Variants in ATRX observed in about 807,000 individuals in gnomAD.
The protein encoded by ATRX is ATRX chromatin remodeler, also known as chromatin remodeler ATRX.
In ATRX, 12 loss-of-function variants were observed where a neutral mutation model predicts 172.6. That is an observed-to-expected ratio of 0.07 (90% CI 0.04 to 0.11). ATRX has a LOEUF of 0.11. Among genes scored for constraint, ATRX ranks in the 10% least tolerant of loss-of-function variants. The probability of loss-of-function intolerance (pLI) is 1.00; values close to 1 mark genes in which losing one functional copy is unlikely to be tolerated. For missense variants in ATRX, 1,368 were observed against 1,767.4 expected (o/e 0.77, Z 4.05); for synonymous variants, 674 against 594.7 (o/e 1.13, Z -1.94).
At chrX:77,780,838 G>A (rs1557205210) in intron 1 of ATRX, among the ~76,000 whole-genome samples, 1 of 110,183 alleles carries the variant, frequency 9.1e-6, no homozygotes, top group African/African-American at 3.3e-5. Context: ...CTACATGGGA[G>A]GCTGAAGCAG....
At chrX:77,749,317 G>A (rs1375469825) in intron 1 of ATRX, among the ~76,000 whole-genome samples, 1 of 110,758 alleles carries the variant, frequency 9.0e-6, no homozygotes, top group African/African-American at 3.3e-5. Context: ...TTATTCCACA[G>A]TGTGTATGTA....
At chrX:77,723,531 CTT>C (rs1337429631) in intron 1 of ATRX, among the ~76,000 whole-genome samples, 1 of 111,352 alleles carries the variant, frequency 9.0e-6, no homozygotes, top group Non-Finnish European at 1.9e-5. Flanking sequence ...TTGAAACAAA[CTT>C]TGCCTCTAGA....
chrX:77,695,817 GT>G (rs1488202890), intron 5 of ATRX, among the ~76,000 whole-genome samples: 1 of 111,275 alleles, frequency 9.0e-6, no homozygotes, highest in East Asian at 2.8e-4. Flanking sequence ...AGGGAACAAG[GT>G]TTAATAAGCA....
rs1407360424 is a variant in ATRX, at chrX:77,669,917, T to TA, written c.3810-5140dup. On this transcript the variant is annotated intron_variant, in intron 10 of 34. Transcript: ENST00000373344. ...ATCACTACGTTGCCCAGGCTGGTCT[T>TA]AAACTCCTGGCCTCAAGTGATCCTC... Among the ~76,000 whole-genome samples, 4 of 109,154 alleles carry TA rather than the reference T, an allele frequency of 3.7e-5. No individual in the cohort carries two copies. In the Admixed American group the frequency reaches 3.9e-4, roughly 11 times the overall value. The allele number at this position is 109,154 out of a possible 115,157, so 94.8% of individuals were successfully genotyped here.
At chrX:77,726,272 A>C (rs1261931459) in intron 1 of ATRX, among the ~76,000 whole-genome samples, 1 of 110,735 alleles carries the variant, frequency 9.0e-6, no homozygotes, top group Non-Finnish European at 1.9e-5. Flanking sequence ...GCACATACAC[A>C]CCATGGAATA....
At chrX:77,752,909 GA>G (rs1250373981) in intron 1 of ATRX, among the ~76,000 whole-genome samples, 1 of 111,741 alleles carries the variant, frequency 8.9e-6, no homozygotes, top group Non-Finnish European at 1.9e-5. Flanking sequence ...GGTCATCAGG[GA>G]TATTGGCCTG....
chrX:77,593,911 G>A (rs1396478578), intron 25 of ATRX, 62 bp from the exon 26 acceptor site: 2 of 1,104,159 alleles, frequency 1.8e-6, no homozygotes, highest in Non-Finnish European at 2.5e-6. Context: ...GAGAGCAAGA[G>A]AGACAGAAAA....
At chrX:77,533,881 A>G (rs782219211) in intron 30 of ATRX, among the ~76,000 whole-genome samples, 30 of 112,275 alleles carry the variant, frequency 2.7e-4, no homozygotes, top group African/African-American at 9.0e-4. Flanking sequence ...CCAAACCTTC[A>G]TCATTTCTAA....
chrX:77,618,222 G>A (rs1263839951), intron 21 of ATRX, among the ~76,000 whole-genome samples: 1 of 111,925 alleles, frequency 8.9e-6, no homozygotes, highest in Non-Finnish European at 1.9e-5. Context: ...CATCTACAGA[G>A]AAAGTGCGTA....
At position 77,569,141 on chromosome X, in the gene ATRX, C is replaced by T. The variant is rs782660052; in HGVS notation, c.6326+5109G>A. Among the ~76,000 whole-genome samples the T allele has an allele frequency of 3.6e-5, 4 of 110,216 alleles. No homozygotes were observed. In the South Asian group the frequency reaches 1.6e-3, roughly 43 times the overall value. ...AACAAAAACAAACAAAAACAACCCC[C>T]CCACCCAAAAAAACAACCTTACAGC... On this transcript the variant is annotated intron_variant, in intron 28 of 34. Transcript: ENST00000373344.
At chrX:77,628,329 A>C (rs2148314659) in intron 19 of ATRX, among the ~76,000 whole-genome samples, 1 of 113,074 alleles carries the variant, frequency 8.8e-6, no homozygotes, top group Admixed American at 9.3e-5. Flanking sequence ...AATGTGAATT[A>C]GAAAACTCCA....
In ATRX at chrX:77,539,746, C is replaced by A. The variant is rs1239653161; in HGVS notation, c.6700-16345G>T. On this transcript the variant is annotated intron_variant, in intron 30 of 34. Coordinates refer to ENST00000373344, the MANE Select transcript of ATRX (RefSeq NM_000489.6). ...TTATAAGCGAAGGAGAAATAAATTC[C>A]TTTACAGACAAGCAAATGCTGAGAG... Among the ~76,000 whole-genome samples the A allele has an allele frequency of 3.6e-5, 4 of 111,731 alleles. No individual in the cohort carries two copies. In the East Asian group the frequency reaches 8.4e-4, roughly 23 times the overall value.
intron 25 of ATRX, among the ~76,000 whole-genome samples, chrX:77,597,610 GTAACTCCATTA>G (rs1396768920): frequency 2.7e-5 from 3 of 110,841 alleles, no homozygotes; most frequent in Non-Finnish European, 5.7e-5. Flanking sequence ...AAAAAAACAA[GTAACTCCATTA>G]AAAAGTGGGC....
chrX:77,614,568 T>C (rs1455610819), intron 22 of ATRX, among the ~76,000 whole-genome samples: 1 of 111,261 alleles, frequency 9.0e-6, no homozygotes, highest in Non-Finnish European at 1.9e-5. Flanking sequence ...TCAAAAAGAG[T>C]GTTTTTTTAA....
At chrX:77,722,272 G>T (rs1431301998) in intron 1 of ATRX, among the ~76,000 whole-genome samples, 2 of 110,671 alleles carry the variant, frequency 1.8e-5, no homozygotes, top group African/African-American at 6.6e-5. Context: ...CATGGGCAAA[G>T]ACTTCATGAC....
Position 77,696,697 on chromosome X carries a change from A to C in ATRX, c.250T>G (p.Ser84Ala), listed in dbSNP as rs1569540556. ...SGSSRSKRKP[S>A]IVTKYVESDD... ...GATTCTACATACTTTGTTACAATTG[A>C]AGGTTTCCTATGAAAGAATTAAGTT... is the stretch of plus-strand genomic sequence containing the variant. Residue 84 changes from serine (S) to alanine (A), a missense_variant, in exon 5 of 35, where the codon TCA (serine) becomes GCA (alanine). Ser to Ala is a moderately conservative substitution (Grantham distance 99). This residue lies in a region of ATRX where 84 missense variants were observed against 82.8 expected (regional missense o/e 1.01). Transcript: ENST00000373344. 1 of 1,195,785 alleles carries C rather than the reference A, an allele frequency of 8.4e-7. No homozygotes were observed. Among genetic ancestry groups the C allele is most frequent in the Non-Finnish European group, 1.1e-6 (1 of 882,061 alleles).
At chrX:77,733,706 T>TTAA (rs1442340712) in intron 1 of ATRX, among the ~76,000 whole-genome samples, 1 of 33,039 alleles carries the variant, frequency 3.0e-5, no homozygotes, top group Admixed American at 5.3e-4. Flanking sequence ...CCATCTATGC[T>TTAA]AAAAAAAAAA....
At chrX:77,781,476 A>G (rs900407431) in intron 1 of ATRX, among the ~76,000 whole-genome samples, 2 of 107,074 alleles carry the variant, frequency 1.9e-5, no homozygotes, top group Non-Finnish European at 1.9e-5. Flanking sequence ...CTAGGACCCC[A>G]GAGCTTTAGT....
rs782609523 is a variant in ATRX at position 77,545,033 on chromosome X, A to G, written c.6699+12418T>C. Among the ~76,000 whole-genome samples the G allele has an allele frequency of 4.5e-5, 5 of 112,172 alleles. No homozygotes were observed. The East Asian group carries it at 1.4e-3, about 31-fold the overall frequency. ...AACACATGAAAAAATGCTCATCATC[A>G]CTGGCCATCAGAGAAATGCAAATCA... is the stretch of plus-strand genomic sequence containing the variant. On this transcript the variant is annotated intron_variant, in intron 30 of 34. Transcript: ENST00000373344.
Sources: allele counts gnomAD v4.1 joint callset (sites outside exome capture counted in the v4.1 genomes callset), GRCh38; gene constraint gnomAD v4.1.1; regional missense constraint gnomAD v4.1.1; transcripts MANE v1.5; gene names NCBI Gene and HGNC (gene_info 2026-07-23, HGNC 2026-07-21).